The following RAB27A variants were observed in gnomAD, a reference collection of about 807,000 sequenced individuals.
RAB27A encodes the protein ras-related protein Rab-27A.
RAB27A carries 17 observed loss-of-function variants against 20.8 expected under a neutral mutation model. That is an observed-to-expected ratio of 0.82 (90% CI 0.56 to 1.23). The LOEUF is 1.23. RAB27A is among the 50% of genes most tolerant of loss of function. The probability of loss-of-function intolerance (pLI) is 0.00; values close to 1 mark genes in which losing one functional copy is unlikely to be tolerated. For synonymous variants in RAB27A, 85 were observed against 92.8 expected (o/e 0.92, Z 0.48); for missense variants, 277 against 266.7 (o/e 1.04, Z -0.27).
chr15:55,254,197 G>C (rs1896998552), intron 2 of RAB27A, among the ~76,000 whole-genome samples: 1 of 152,008 alleles, frequency 6.6e-6, no homozygotes, highest in Non-Finnish European at 1.5e-5. Flanking sequence ...GTTGAGTTTT[G>C]ACCTCGAGAA....
At chr15:55,299,677 C>T (rs1402728736) in intron 2 of RAB27A, among the ~76,000 whole-genome samples, 1 of 151,086 alleles carries the variant, frequency 6.6e-6, no homozygotes, top group Non-Finnish European at 1.5e-5. Flanking sequence ...GACATGACAA[C>T]TAAATTCAAA....
chr15:55,227,845 A>G (rs1895870593), intron 5 of RAB27A, among the ~76,000 whole-genome samples: 1 of 152,230 alleles, frequency 6.6e-6, no homozygotes, highest in Non-Finnish European at 1.5e-5. Context: ...AGATCTTTTT[A>G]AATCAGTGTT....
intron 5 of RAB27A, among the ~76,000 whole-genome samples, chr15:55,225,416 C>T (rs1895758307): frequency 6.6e-6 from 1 of 152,194 alleles, no homozygotes; most frequent in African/African-American, 2.4e-5. Flanking sequence ...ATGAATTAAT[C>T]CAGTGATTCT....
At chr15:55,210,520 G>A (rs560003725) in intron 6 of RAB27A, among the ~76,000 whole-genome samples, 1 of 151,584 alleles carries the variant, frequency 6.6e-6, no homozygotes, top group South Asian at 2.1e-4. Flanking sequence ...CTTTCTCTGA[G>A]TAGTGATATT....
intron 2 of RAB27A, among the ~76,000 whole-genome samples, chr15:55,309,192 T>C (rs2055009974): frequency 6.6e-6 from 1 of 152,212 alleles, no homozygotes. Context: ...TACCTGGGAA[T>C]CCATATTCGA....
chr15:55,233,130 G>GA (rs1896101551), intron 3 of RAB27A, among the ~76,000 whole-genome samples: 2 of 150,174 alleles, frequency 1.3e-5, no homozygotes, highest in South Asian at 4.2e-4. Flanking sequence ...GTCTCAAAAA[G>GA]AAAAAAGAAA....
intron 2 of RAB27A, among the ~76,000 whole-genome samples, chr15:55,306,887 A>T (rs1262338338): frequency 6.6e-6 from 1 of 152,066 alleles, no homozygotes; most frequent in Non-Finnish European, 1.5e-5. Context: ...GGCCATGGGG[A>T]TTTACGATTT....
intron 1 of RAB27A, among the ~76,000 whole-genome samples, chr15:55,278,333 T>G (rs549248256): frequency 8.5e-5 from 13 of 152,316 alleles, no homozygotes; most frequent in Admixed American, 8.5e-4. Context: ...CTGGGGTATT[T>G]ATGTCAGTAG....
intron 6 of RAB27A, among the ~76,000 whole-genome samples, chr15:55,206,822 A>C (rs1181469066): frequency 6.6e-6 from 1 of 152,202 alleles, no homozygotes; most frequent in Non-Finnish European, 1.5e-5. Flanking sequence ...TAAGTTTGAT[A>C]ATCTTGACAA....
intron 2 of RAB27A, chr15:55,237,262 T>C (rs190336056): frequency 2.0e-4 from 30 of 152,240 alleles, no homozygotes; most frequent in African/African-American, 6.7e-4. Context: ...GACAAGAATA[T>C]TTACTGGTTT....
intron 1 of RAB27A, among the ~76,000 whole-genome samples, chr15:55,274,419 C>CA (rs1328615694): frequency 6.6e-6 from 1 of 151,078 alleles, no homozygotes; most frequent in East Asian, 1.9e-4. Context: ...AAATAGAGAC[C>CA]AAAAAAACAG....
At chr15:55,229,418 G>A (rs1189793723) in intron 4 of RAB27A, among the ~76,000 whole-genome samples, 1 of 152,196 alleles carries the variant, frequency 6.6e-6, no homozygotes, top group East Asian at 1.9e-4. Context: ...GCTCACACCT[G>A]TAATCCCAGC....
At chr15:55,235,245 C>T (rs1029647964) in intron 2 of RAB27A, among the ~76,000 whole-genome samples, 3 of 151,958 alleles carry the variant, frequency 2.0e-5, no homozygotes, top group Non-Finnish European at 2.9e-5. Context: ...GTTGGGAATT[C>T]GAGACCAGCC....
intron 2 of RAB27A, among the ~76,000 whole-genome samples, chr15:55,243,340 A>G (rs1367460492): frequency 6.6e-6 from 1 of 152,198 alleles, no homozygotes; most frequent in Non-Finnish European, 1.5e-5. Flanking sequence ...TTTCTCTCAA[A>G]TAAGTATTTT....
intron 2 of RAB27A, among the ~76,000 whole-genome samples, chr15:55,308,847 A>T (rs2055008693): frequency 6.6e-6 from 1 of 152,190 alleles, no homozygotes; most frequent in Admixed American, 6.5e-5. Context: ...TGTATTATTT[A>T]AACTGCTTCA....
rs773732714 is a variant in RAB27A at position 55,223,966 on chromosome 15, C to G, written c.390G>C (p.Leu130=). 6.2e-7 allele frequency: 1 copy of G among 1,610,510 alleles called. No individual in the cohort carries two copies. Among genetic ancestry groups the G allele is most frequent in the East Asian group, 2.2e-5 (1 of 44,858 alleles). ...CCTCCAGATCACTCTTGTTTCCACACAGCACTATATCTGGGTTTTCACAAT... is the reference window on the plus strand; with the variant it reads ...CCTCCAGATCACTCTTGTTTCCACAGAGCACTATATCTGGGTTTTCACAAT... ...HAYCENPDIV[L]CGNKSDLEDQ... is the part of the protein sequence containing the mutation. Residue 130 remains leucine (L), a synonymous_variant, in exon 6 of 7, where the codon CTG becomes CTC. Transcript: ENST00000336787.
intron 3 of RAB27A, among the ~76,000 whole-genome samples, chr15:55,231,646 T>A (rs1448865942): frequency 6.6e-6 from 1 of 152,104 alleles, no homozygotes; most frequent in Non-Finnish European, 1.5e-5. Context: ...TGTGAAAACA[T>A]CAGCCTAGCC....
At chr15:55,286,916 T>C (rs1011491986) in intron 1 of RAB27A, among the ~76,000 whole-genome samples, 2 of 133,636 alleles carry the variant, frequency 1.5e-5, no homozygotes, top group Non-Finnish European at 3.2e-5. Context: ...TGTATTCTTT[T>C]TTTTTTTTTT....
intron 2 of RAB27A, among the ~76,000 whole-genome samples, chr15:55,296,231 A>T (rs887777000): frequency 2.1e-5 from 3 of 145,096 alleles, no homozygotes; most frequent in Non-Finnish European, 4.5e-5. Context: ...GTGGGGCCTG[A>T]CGCGGTGGCT....
Sources: gnomAD v4.1 joint callset for allele counts (sites outside exome capture counted in the v4.1 genomes callset) on GRCh38, gnomAD v4.1.1 for gene constraint, MANE v1.5 for transcripts, NCBI Gene and HGNC (gene_info 2026-07-23, HGNC 2026-07-21) for gene names.